The following AVP variants were observed in gnomAD, a reference collection of about 807,000 sequenced individuals.
AVP encodes the protein arginine vasopressin.
Under a neutral mutation model 11.1 loss-of-function variants are expected in AVP, and 9 were observed. The ratio of observed to expected loss-of-function variants is 0.81; its 90% CI spans 0.49 to 1.42. AVP has a LOEUF of 1.42. Ranked by LOEUF, AVP falls within the 40% of genes most tolerant of loss-of-function variation. The pLI is 0.00. For synonymous variants in AVP, 106 were observed against 111.3 expected (o/e 0.95, Z 0.30); for missense variants, 206 against 238.5 (o/e 0.86, Z 0.90).
chr20:3,082,946 C>A lies in AVP; in HGVS notation c.322+31G>T, dbSNP rs780084300. ...CCCCCACCCAAGCGGTCTGCGCCCC[C>A]CCCAGCCCCAGGCCCGCCCCCGCCG... On this transcript the variant is annotated intron_variant, in intron 2 of 2. Coordinates refer to ENST00000380293, the MANE Select transcript of AVP (RefSeq NM_000490.5). The surrounding 1 kb of genome is among the most constrained non-coding windows in gnomAD (Gnocchi z 4.7). 42 of 1,342,538 alleles carry A rather than the reference C, an allele frequency of 3.1e-5. 2 individuals carry two copies. The South Asian group carries it at 4.2e-4, about 13-fold the overall frequency. The allele number at this position is 1,342,538 out of a possible 1,614,324, so 83.2% of individuals were successfully genotyped here.
intron 1 of AVP, 115 bp downstream of exon 1, chr20:3,084,440 C>T (rs2066127219): frequency 8.9e-6 from 14 of 1,566,844 alleles, no homozygotes; most frequent in East Asian, 2.2e-5. Context: ...CTTCCTCCCC[C>T]GAACTTCCCC....
chr20:3,084,620 C>A lies in AVP; in HGVS notation c.55G>T (p.Ala19Ser). 6.2e-7 allele frequency: 1 copy of A among 1,613,852 alleles called. No individual in the cohort carries two copies. The highest frequency in any genetic ancestry group is 8.5e-7 in the Non-Finnish European group (1 of 1,180,020). ...CFLGLLAFSS[A>S]CYFQNCPRGG... is the part of the protein sequence containing the mutation. ...CTCGGGCAGTTCTGGAAGTAGCACG[C>A]GGAGGAGAAGGCCAGTAGGCCGAGG... Residue 19 changes from alanine to serine, a missense_variant, in exon 1 of 3, where the codon GCG becomes TCG. Around this residue, in one of 2 missense-constraint regions of AVP, gnomAD observed 100 missense variants for 149.3 expected, o/e 0.67. Coordinates refer to ENST00000380293, the MANE Select transcript of AVP (RefSeq NM_000490.5).
rs1301578991 is a variant in AVP at position 3,084,550 on chromosome 20, A to G, written c.120+5T>C. ...AGCCCTGAGATGGCCCACAGTGGGA[A>G]GTACCTGTCTCAGCTCCAGGTCGGA... On this transcript the variant is annotated splice_donor_5th_base_variant and intron_variant, in intron 1 of 2. Coordinates refer to ENST00000380293, the MANE Select transcript of AVP (RefSeq NM_000490.5). The G allele has an allele frequency of 6.2e-7, 1 of 1,613,782 alleles. No homozygotes were observed. The highest frequency in any genetic ancestry group is 1.7e-5 in the Admixed American group (1 of 60,014).
At position 3,083,917 on chromosome 20, in the gene AVP, C is replaced by A. The variant is rs971621471; in HGVS notation, c.120+638G>T. Among the ~76,000 whole-genome samples the A allele has an allele frequency of 3.3e-5, 5 of 152,224 alleles. No homozygotes were observed. The highest frequency in any genetic ancestry group is 4.8e-5 in the African/African-American group (2 of 41,456). ...ATAGCGCATTAGACTTTTAGCTGAG[C>A]CTGGTGTGGTCTAATTTGCTCAAGG... is the stretch of plus-strand genomic sequence containing the variant. On this transcript the variant is annotated intron_variant, in intron 1 of 2. Coordinates refer to ENST00000380293, the MANE Select transcript of AVP (RefSeq NM_000490.5). This position sits in a 1 kb window ranked among gnomAD's most constrained non-coding sequence, Gnocchi z 5.4.
Position 3,083,217 on chromosome 20 carries a change from G to T in AVP, c.121-39C>A, listed in dbSNP as rs1407044027. 20 of 1,433,130 alleles carry T rather than the reference G, an allele frequency of 1.4e-5. No individual in the cohort carries two copies. Among genetic ancestry groups the T allele is most frequent in the Non-Finnish European group, 1.8e-5 (20 of 1,092,672 alleles). 88.8% of individuals were successfully genotyped at this position (1,433,130 alleles called of 1,614,324 possible). ...CGGGGTGAGCGGGAGGAGGGGAGCC[G>T]GGAGTCGAGGGGTTGGAGGGGAACG... On this transcript the variant is annotated intron_variant, in intron 1 of 2. Coordinates refer to ENST00000380293, the MANE Select transcript of AVP (RefSeq NM_000490.5). This position sits in a 1 kb window ranked among gnomAD's most constrained non-coding sequence, Gnocchi z 5.4.
Position 3,082,789 on chromosome 20 carries a change from G to A in AVP, c.336C>T (p.Thr112=). 1.6e-6 allele frequency: 2 copies of A among 1,251,970 alleles called. No homozygotes were observed. Among genetic ancestry groups the A allele is most frequent in the Non-Finnish European group, 2.0e-6 (2 of 1,000,764 alleles). 77.6% of individuals were successfully genotyped at this position (1,251,970 alleles called of 1,614,324 possible). A position where few individuals can be genotyped will look rare whatever the true frequency, so the allele number is the denominator to read the frequency against. Reference sequence around the variant, plus strand: ...GAAAGCCCTCGCGGCACTCGGGCTCGGTCACGCAGCTCTCTGCCGGGAGGA... The same window carrying A: ...GAAAGCCCTCGCGGCACTCGGGCTCAGTCACGCAGCTCTCTGCCGGGAGGA... The part of the protein sequence containing the change: ...GVCCNDESCV[T]EPECREGFHR... The change falls in exon 3 of 3, where the codon ACC becomes ACT. Residue 112 remains threonine, a synonymous_variant. Transcript: ENST00000380293. The surrounding 1 kb of genome is among the most constrained non-coding windows in gnomAD (Gnocchi z 4.7).
Position 3,083,510 on chromosome 20 carries a change from C to A in AVP, c.121-332G>T, listed in dbSNP as rs2066122436. Among the ~76,000 whole-genome samples the A allele has an allele frequency of 6.6e-6, 1 of 152,104 alleles. No individual in the cohort carries two copies. The highest frequency in any genetic ancestry group is 2.4e-5 in the African/African-American group (1 of 41,434). On this transcript the variant is annotated intron_variant, in intron 1 of 2. Coordinates refer to ENST00000380293, the MANE Select transcript of AVP (RefSeq NM_000490.5). This position sits in a 1 kb window ranked among gnomAD's most constrained non-coding sequence, Gnocchi z 5.4. ...TCATCGCTGGTGGGCGCCACTGTTG[C>A]AGCTGCCCCACCCTCCACCACTCCA...
At position 3,083,924 on chromosome 20, in the gene AVP, T is replaced by C. The variant is rs1477337797; in HGVS notation, c.120+631A>G. Among the ~76,000 whole-genome samples the C allele has an allele frequency of 1.3e-5, 2 of 152,226 alleles. No homozygotes were observed. Among genetic ancestry groups the C allele is most frequent in the African/African-American group, 4.8e-5 (2 of 41,458 alleles). On this transcript the variant is annotated intron_variant, in intron 1 of 2. Transcript: ENST00000380293. This position sits in a 1 kb window ranked among gnomAD's most constrained non-coding sequence, Gnocchi z 5.4. The stretch of plus-strand genomic sequence containing the variant: ...ATTAGACTTTTAGCTGAGCCTGGTG[T>C]GGTCTAATTTGCTCAAGGGCTCATC...
chr20:3,083,164 G>A lies in AVP; in HGVS notation c.135C>T (p.Gly45=). 4.7e-5 allele frequency: 71 copies of A among 1,503,212 alleles called. No individual in the cohort carries two copies. The highest frequency in any genetic ancestry group is 6.3e-5 in the Non-Finnish European group (71 of 1,132,410). The allele number at this position is 1,503,212 out of a possible 1,614,324, so 93.1% of individuals were successfully genotyped here. A position where few individuals can be genotyped will look rare whatever the true frequency, so the allele number is the denominator to read the frequency against. ...CGAAGCAGCGGCCTTTGCCCCCGGG[G>A]CCGCAGGGGAGGCACTGCGGGGACG... ...DLELRQCLPC[G]PGGKGRCFGP... Residue 45 remains glycine, a synonymous_variant, in exon 2 of 3, where the codon GGC becomes GGT. Coordinates refer to ENST00000380293, the MANE Select transcript of AVP (RefSeq NM_000490.5). The surrounding 1 kb of genome is among the most constrained non-coding windows in gnomAD (Gnocchi z 5.4).
chr20:3,084,551 G>A lies in AVP; in HGVS notation c.120+4C>T. ...GCCCTGAGATGGCCCACAGTGGGAA[G>A]TACCTGTCTCAGCTCCAGGTCGGAC... is the stretch of plus-strand genomic sequence containing the variant. On this transcript the variant is annotated splice_donor_region_variant and intron_variant, in intron 1 of 2. Transcript: ENST00000380293. 2 of 1,613,918 alleles carry A rather than the reference G, an allele frequency of 1.2e-6. No individual in the cohort carries two copies. The highest frequency in any genetic ancestry group is 1.7e-6 in the Non-Finnish European group (2 of 1,180,038).
Position 3,083,013 on chromosome 20 carries a change from C to T in AVP, c.286G>A (p.Gly96Ser). Residue 96 changes from glycine (G) to serine (S), a missense_variant, in exon 2 of 3, where the codon GGC (glycine) becomes AGC (serine). This residue lies in a region of AVP where 100 missense variants were observed against 149.3 expected (regional missense o/e 0.67). Coordinates refer to ENST00000380293, the MANE Select transcript of AVP (RefSeq NM_000490.5). This position sits in a 1 kb window ranked among gnomAD's most constrained non-coding sequence, Gnocchi z 5.4. ...QSGQKACGSG[G>S]RCAAFGVCCN... ...CAAACGCCGAAGGCGGCGCAGCGGCCCCCGCTCCCGCACGCCTTCTGGCCG... is the reference window on the plus strand; with the variant it reads ...CAAACGCCGAAGGCGGCGCAGCGGCTCCCGCTCCCGCACGCCTTCTGGCCG... 5 of 1,540,952 alleles carry T rather than the reference C, an allele frequency of 3.2e-6. No homozygotes were observed. The highest frequency in any genetic ancestry group is 4.3e-6 in the Non-Finnish European group (5 of 1,154,332).
Position 3,083,061 on chromosome 20 carries a change from A to G in AVP, c.238T>C (p.Tyr80His). 2 of 1,562,482 alleles carry G rather than the reference A, an allele frequency of 1.3e-6. No individual in the cohort carries two copies. Among genetic ancestry groups the G allele is most frequent in the Non-Finnish European group, 1.7e-6 (2 of 1,164,708 alleles). Residue 80 changes from tyrosine to histidine, a missense_variant, in exon 2 of 3, where the codon TAC (tyrosine) becomes CAC (histidine). By Grantham distance (83) the Tyr-to-His change is moderately conservative (BLOSUM62 2). This residue lies in a region of AVP where 100 missense variants were observed against 149.3 expected (regional missense o/e 0.67). Coordinates refer to ENST00000380293, the MANE Select transcript of AVP (RefSeq NM_000490.5). This position sits in a 1 kb window ranked among gnomAD's most constrained non-coding sequence, Gnocchi z 5.4. The part of the protein sequence containing the change: ...AEALRCQEEN[Y>H]LPSPCQSGQK... ...CCGGACTGGCAGGGCGACGGCAGGTAGTTCTCCTCCTGGCAGCGCAGCGCC... is the reference window on the plus strand; with the variant it reads ...CCGGACTGGCAGGGCGACGGCAGGTGGTTCTCCTCCTGGCAGCGCAGCGCC...
In AVP at chr20:3,083,160, C is replaced by T. The variant is rs774152864; in HGVS notation, c.139G>A (p.Gly47Arg). 6.0e-6 allele frequency: 9 copies of T among 1,504,624 alleles called. No individual in the cohort carries two copies. Among genetic ancestry groups the T allele is most frequent in the Non-Finnish European group, 7.9e-6 (9 of 1,133,310 alleles). The allele number at this position is 1,504,624 out of a possible 1,614,324, so 93.2% of individuals were successfully genotyped here. A position where few individuals can be genotyped will look rare whatever the true frequency, so the allele number is the denominator to read the frequency against. ...ELRQCLPCGP[G>R]GKGRCFGPSI... ...GGCCCGAAGCAGCGGCCTTTGCCCC[C>T]GGGGCCGCAGGGGAGGCACTGCGGG... Residue 47 changes from glycine to arginine, a missense_variant, in exon 2 of 3, where the codon GGG (glycine) becomes AGG (arginine). By Grantham distance (125) the Gly-to-Arg change is moderately radical (BLOSUM62 -2). Around this residue, in one of 2 missense-constraint regions of AVP, gnomAD observed 100 missense variants for 149.3 expected, o/e 0.67. Coordinates refer to ENST00000380293, the MANE Select transcript of AVP (RefSeq NM_000490.5). This position sits in a 1 kb window ranked among gnomAD's most constrained non-coding sequence, Gnocchi z 5.4.
Position 3,082,949 on chromosome 20 carries a change from C to T in AVP, c.322+28G>A, listed in dbSNP as rs2066118530. On this transcript the variant is annotated intron_variant, in intron 2 of 2. Coordinates refer to ENST00000380293, the MANE Select transcript of AVP (RefSeq NM_000490.5). This position sits in a 1 kb window ranked among gnomAD's most constrained non-coding sequence, Gnocchi z 4.7. ...CCACCCAAGCGGTCTGCGCCCCCCC[C>T]AGCCCCAGGCCCGCCCCCGCCGCGC... 1 of 1,351,016 alleles carries T rather than the reference C, an allele frequency of 7.4e-7. No homozygotes were observed. Among genetic ancestry groups the T allele is most frequent in the Non-Finnish European group, 9.5e-7 (1 of 1,053,836 alleles). The allele number at this position is 1,351,016 out of a possible 1,614,324, so 83.7% of individuals were successfully genotyped here.
Position 3,083,778 on chromosome 20 carries a change from C to T in AVP, c.121-600G>A, listed in dbSNP as rs1285237083. ...GGGGCCTGAGACCTAGAGGCGAGCA[C>T]GGACACCCAGGTGCCTCAGGACCCT... On this transcript the variant is annotated intron_variant, in intron 1 of 2. Transcript: ENST00000380293. The surrounding 1 kb of genome is among the most constrained non-coding windows in gnomAD (Gnocchi z 5.4). Among the ~76,000 whole-genome samples the T allele has an allele frequency of 6.6e-6, 1 of 152,160 alleles. No homozygotes were observed. The highest frequency in any genetic ancestry group is 2.4e-5 in the African/African-American group (1 of 41,438).
rs1203726852 is a variant in AVP at position 3,082,583 on chromosome 20, C to T, written c.*47G>A. 2 of 1,234,176 alleles carry T rather than the reference C, an allele frequency of 1.6e-6. No individual in the cohort carries two copies. Among genetic ancestry groups the T allele is most frequent in the African/African-American group, 3.1e-5 (2 of 63,866 alleles). The allele number at this position is 1,234,176 out of a possible 1,614,324, so 76.5% of individuals were successfully genotyped here. Reference sequence around the variant, plus strand: ...CATTGGCGGAGGTTTATTGTCCGTGCTGCAGGGGCGGGCGCGAAGAGCGCG... The same window carrying T: ...CATTGGCGGAGGTTTATTGTCCGTGTTGCAGGGGCGGGCGCGAAGAGCGCG... On this transcript the variant is annotated 3_prime_UTR_variant, in exon 3 of 3. Coordinates refer to ENST00000380293, the MANE Select transcript of AVP (RefSeq NM_000490.5). The surrounding 1 kb of genome is among the most constrained non-coding windows in gnomAD (Gnocchi z 4.7).
rs1259398510 is a variant in AVP, at chr20:3,084,694, C to G, written c.-20G>C. The G allele has an allele frequency of 6.2e-7, 1 of 1,612,466 alleles. No homozygotes were observed. The highest frequency in any genetic ancestry group is 8.5e-7 in the Non-Finnish European group (1 of 1,179,998). On this transcript the variant is annotated 5_prime_UTR_variant, in exon 1 of 3. Transcript: ENST00000380293. ...AGGCATCCTGGTGCACACAGGTGGACCCCGTATGCAGCACTGCTTGGTGGC... is the reference window on the plus strand; with the variant it reads ...AGGCATCCTGGTGCACACAGGTGGAGCCCGTATGCAGCACTGCTTGGTGGC...
Position 3,082,980 on chromosome 20 carries a change from C to T in AVP, c.319G>A (p.Asp107Asn), listed in dbSNP as rs535682482. The change falls in exon 2 of 3, where the codon GAC becomes AAC. Residue 107 changes from aspartate (D) to asparagine (N), a missense_variant. Around this residue, in one of 2 missense-constraint regions of AVP, gnomAD observed 106 missense variants for 89.2 expected, o/e 1.19. Transcript: ENST00000380293. The surrounding 1 kb of genome is among the most constrained non-coding windows in gnomAD (Gnocchi z 4.7). ...RCAAFGVCCN[D>N]ESCVTEPECR... ...CAGGCCCGCCCCCGCCGCGCACCGT[C>T]GTTGCAGCAAACGCCGAAGGCGGCG... 5.6e-4 allele frequency: 839 copies of T among 1,492,700 alleles called. 2 individuals are homozygous for T. The African/African-American group carries it at 9.2e-3, about 16-fold the overall frequency. The allele number at this position is 1,492,700 out of a possible 1,614,324, so 92.5% of individuals were successfully genotyped here.
Position 3,083,167 on chromosome 20 carries a change from G to A in AVP, c.132C>T (p.Cys44=), listed in dbSNP as rs572548414. The change falls in exon 2 of 3, where the codon TGC becomes TGT. Residue 44 remains cysteine (C), a synonymous_variant. Transcript: ENST00000380293. The surrounding 1 kb of genome is among the most constrained non-coding windows in gnomAD (Gnocchi z 5.4). ...SDLELRQCLP[C]GPGGKGRCFG... is the part of the protein sequence containing the mutation. Reference sequence around the variant, plus strand: ...AGCAGCGGCCTTTGCCCCCGGGGCCGCAGGGGAGGCACTGCGGGGACGGGC... The same window carrying A: ...AGCAGCGGCCTTTGCCCCCGGGGCCACAGGGGAGGCACTGCGGGGACGGGC... 40 of 1,496,468 alleles carry A rather than the reference G, an allele frequency of 2.7e-5. No homozygotes were observed. The African/African-American group carries it at 5.2e-4, about 19-fold the overall frequency. 92.7% of individuals were successfully genotyped at this position (1,496,468 alleles called of 1,614,324 possible). A position where few individuals can be genotyped will look rare whatever the true frequency, so the allele number is the denominator to read the frequency against.
Sources: gnomAD v4.1 joint callset for allele counts (sites outside exome capture counted in the v4.1 genomes callset) on GRCh38, gnomAD v4.1.1 for gene constraint, gnomAD v4.1.1 regional missense constraint, Gnocchi (gnomAD v3.1) non-coding constraint, MANE v1.5 for transcripts, NCBI Gene and HGNC (gene_info 2026-07-23, HGNC 2026-07-21) for gene names.